The following STARD13 variants were observed in gnomAD, a reference collection of about 807,000 sequenced individuals.
The protein encoded by STARD13 is stAR-related lipid transfer protein 13.
Under a neutral mutation model 106.4 loss-of-function variants are expected in STARD13, and 62 were observed. That is an observed-to-expected ratio of 0.58 (90% CI 0.48 to 0.72). STARD13 has a LOEUF of 0.72. STARD13 is among the 30% of genes least tolerant of loss of function. The probability of loss-of-function intolerance (pLI) is 0.00; values close to 1 mark genes in which losing one functional copy is unlikely to be tolerated. For missense variants in STARD13, 1,387 were observed against 1,424.0 expected (o/e 0.97, Z 0.42); for synonymous variants, 565 against 553.0 (o/e 1.02, Z -0.31).
chr13:33,509,718 C>CAG, the STARD13 span, among the ~76,000 whole-genome samples: 1 of 152,178 alleles, frequency 6.6e-6, no homozygotes, highest in Non-Finnish European at 1.5e-5. Flanking sequence ...AACAGAGCAA[C>CAG]AGCCAACAGA....
intron 1 of STARD13, among the ~76,000 whole-genome samples, chr13:33,259,344 G>C (rs1353957104): frequency 2.6e-5 from 4 of 152,184 alleles, no homozygotes; most frequent in Admixed American, 2.0e-4. Flanking sequence ...AAAATTAATA[G>C]AGAAGCATAT....
rs761472416 is a variant in STARD13, at chr13:33,129,588, G to A, written c.1089C>T (p.Tyr363=). The change falls in exon 5 of 14, where the codon TAC becomes TAT. Residue 363 remains tyrosine (Y), a synonymous_variant. Coordinates refer to ENST00000336934, the MANE Select transcript of STARD13 (RefSeq NM_178006.4). ...CCGCCAGCACATCTAGGTCCTCCAAGTACATGCCCCCGCGCTTGTTGGCCT... is the reference window on the plus strand; with the variant it reads ...CCGCCAGCACATCTAGGTCCTCCAAATACATGCCCCCGCGCTTGTTGGCCT... The part of the protein sequence containing the change: ...CHEANKRGGM[Y]LEDLDVLAGT... 8.7e-6 allele frequency: 14 copies of A among 1,613,998 alleles called. No individual in the cohort carries two copies. The highest frequency in any genetic ancestry group is 1.1e-5 in the Non-Finnish European group (13 of 1,180,048).
chr13:33,367,497 C>CA, the STARD13 span, among the ~76,000 whole-genome samples: 9 of 149,756 alleles, frequency 6.0e-5, no homozygotes, highest in South Asian at 8.4e-4. Flanking sequence ...GAGTAGCTCT[C>CA]AAAAAAAAAG....
At chr13:33,360,395 AG>A in the STARD13 span, among the ~76,000 whole-genome samples, 1 of 151,804 alleles carries the variant, frequency 6.6e-6, no homozygotes, top group African/African-American at 2.4e-5. Context: ...TAGTAGAGAC[AG>A]GGTTTCACCG....
intron 1 of STARD13, among the ~76,000 whole-genome samples, chr13:33,254,704 G>C (rs1890254819): frequency 6.6e-6 from 1 of 152,196 alleles, no homozygotes; most frequent in Admixed American, 6.5e-5. Flanking sequence ...ACGTGGCAGA[G>C]AAAGAGAGAA....
the STARD13 span, among the ~76,000 whole-genome samples, chr13:33,587,452 C>A: frequency 6.6e-6 from 1 of 152,126 alleles, no homozygotes; most frequent in Non-Finnish European, 1.5e-5. Context: ...TAATAAGTTT[C>A]ATCAAATTCC....
chr13:33,294,880 T>C (rs1892429032), intron 1 of STARD13, among the ~76,000 whole-genome samples: 1 of 152,210 alleles, frequency 6.6e-6, no homozygotes, highest in Non-Finnish European at 1.5e-5. Context: ...AGAAATCCTA[T>C]GATGAATCCT....
chr13:33,424,657 G>A, the STARD13 span, among the ~76,000 whole-genome samples: 2 of 152,164 alleles, frequency 1.3e-5, no homozygotes, highest in Admixed American at 6.5e-5. Context: ...GGGGCAGTGA[G>A]TGGCAATTCG....
chr13:33,453,771 T>C, the STARD13 span, among the ~76,000 whole-genome samples: 1 of 152,198 alleles, frequency 6.6e-6, no homozygotes, highest in Non-Finnish European at 1.5e-5. Flanking sequence ...AAAAATGTTT[T>C]TAAAAAAGAG....
At chr13:33,559,741 C>T in the STARD13 span, among the ~76,000 whole-genome samples, 2 of 151,432 alleles carry the variant, frequency 1.3e-5, no homozygotes, top group South Asian at 2.1e-4. Context: ...CCTGTAGTCC[C>T]AGCTACTTGG....
At chr13:33,359,124 T>C in the STARD13 span, among the ~76,000 whole-genome samples, 1 of 133,520 alleles carries the variant, frequency 7.5e-6, no homozygotes, top group East Asian at 3.0e-4. Context: ...CCGCTCAGGT[T>C]GCCTTCCACA....
chr13:33,143,839 C>T (rs1282884221), intron 3 of STARD13, among the ~76,000 whole-genome samples: 1 of 152,238 alleles, frequency 6.6e-6, no homozygotes, highest in Non-Finnish European at 1.5e-5. Flanking sequence ...GCGTGAGCCA[C>T]CGCGCCCAGC....
the STARD13 span, chr13:33,519,844 C>T: frequency 6.6e-6 from 1 of 152,086 alleles, no homozygotes; most frequent in Non-Finnish European, 1.5e-5. Flanking sequence ...CTGCATAGAG[C>T]CAACTCAACA....
chr13:33,134,133 G>T (rs139303593), intron 4 of STARD13, among the ~76,000 whole-genome samples: 2 of 152,306 alleles, frequency 1.3e-5, no homozygotes, highest in East Asian at 1.9e-4. Context: ...ACTGAAAATA[G>T]GTTCCCACGT....
chr13:33,335,559 T>C (rs1594277244), intron 1 of STARD13, among the ~76,000 whole-genome samples: 1 of 152,360 alleles, frequency 6.6e-6, no homozygotes, highest in Non-Finnish European at 1.5e-5. Context: ...GGTATGTGCC[T>C]TGCACACGCC....
In STARD13 at chr13:33,204,232, G is replaced by A. The variant is rs9563220; in HGVS notation, c.170-36610C>T. On this transcript the variant is annotated intron_variant, in intron 1 of 13. Transcript: ENST00000336934. ...AGCACATGTGAGTTTAGCTCATGCA[G>A]AACATACTGGTTGGCATAGATGATT... Among the ~76,000 whole-genome samples the A allele has an allele frequency of 6.2e-3, 948 of 152,270 alleles. 29 individuals carry two copies. The East Asian group carries it at 0.085, about 14-fold the overall frequency.
the STARD13 span, chr13:33,656,896 G>A: frequency 6.6e-6 from 1 of 152,258 alleles, no homozygotes; most frequent in African/African-American, 2.4e-5. Context: ...GAATCCTGCA[G>A]TTCTCTAGAG....
chr13:33,207,387 T>A (rs1440088249), intron 1 of STARD13, among the ~76,000 whole-genome samples: 2 of 152,132 alleles, frequency 1.3e-5, no homozygotes, highest in East Asian at 1.9e-4. Flanking sequence ...CTGGAGTCTG[T>A]CAAATAAGAG....
chr13:33,179,622 G>C (rs567537434), intron 1 of STARD13, among the ~76,000 whole-genome samples: 47 of 152,264 alleles, frequency 3.1e-4, no homozygotes, highest in African/African-American at 1.1e-3. Flanking sequence ...AAAGCCTGCT[G>C]GTAGGTGCTG....
Sources: allele counts gnomAD v4.1 joint callset (sites outside exome capture counted in the v4.1 genomes callset), GRCh38; gene constraint gnomAD v4.1.1; transcripts MANE v1.5; gene names NCBI Gene and HGNC (gene_info 2026-07-23, HGNC 2026-07-21).